LRCH2: variants seen among roughly 807,000 people sequenced by gnomAD.
LRCH2 encodes leucine-rich repeat and calponin homology domain-containing protein 2.
A neutral mutation model predicts 68.9 loss-of-function variants in LRCH2; 38 were observed. That is an observed-to-expected ratio of 0.55 (90% CI 0.43 to 0.72). The LOEUF (loss-of-function observed/expected upper bound fraction) is 0.72. Among genes scored for constraint, LRCH2 ranks in the 30% least tolerant of loss-of-function variants. The pLI is 0.00. For synonymous variants in LRCH2, 191 were observed against 208.1 expected (o/e 0.92, Z 0.71); for missense variants, 528 against 572.9 (o/e 0.92, Z 0.80).
intron 20 of LRCH2, among the ~76,000 whole-genome samples, chrX:115,117,673 G>A (rs1177935624): frequency 9.0e-6 from 1 of 111,383 alleles, no homozygotes; most frequent in Non-Finnish European, 1.9e-5. Flanking sequence ...TAATTATGCT[G>A]AGTGAAAGAA....
chrX:115,199,503 G>T (rs782245868), intron 1 of LRCH2, among the ~76,000 whole-genome samples: 115 of 112,159 alleles, frequency 1.0e-3, no homozygotes, highest in Middle Eastern at 4.6e-3. Flanking sequence ...AGCACTAGCT[G>T]TACTTGCATC....
At chrX:115,160,953 T>A (rs782112166) in intron 11 of LRCH2, among the ~76,000 whole-genome samples, 1 of 112,205 alleles carries the variant, frequency 8.9e-6, no homozygotes, top group East Asian at 2.8e-4. Context: ...ATAGAAAAAA[T>A]ATTAGATTTA....
At chrX:115,130,763 C>T (rs1049710515) in intron 14 of LRCH2, among the ~76,000 whole-genome samples, 1 of 111,944 alleles carries the variant, frequency 8.9e-6, no homozygotes, top group African/African-American at 3.2e-5. Flanking sequence ...CTAGTGCTTG[C>T]TATATGCCAG....
chrX:115,150,123 A>C (rs2147372599), intron 12 of LRCH2, 53 bp from the exon 13 acceptor site: 3 of 868,708 alleles, frequency 3.5e-6, no homozygotes, highest in African/African-American at 2.0e-5. Flanking sequence ...TAAATCCTTA[A>C]ATATATATTA....
chrX:115,174,711 G>A (rs2072633828), intron 5 of LRCH2, among the ~76,000 whole-genome samples: 1 of 110,361 alleles, frequency 9.1e-6, no homozygotes, highest in African/African-American at 3.3e-5. Flanking sequence ...ACATGGGAGT[G>A]CAGATTATTT....
chrX:115,137,178 G>A (rs782725578), intron 14 of LRCH2, among the ~76,000 whole-genome samples: 1 of 111,440 alleles, frequency 9.0e-6, no homozygotes, highest in Non-Finnish European at 1.9e-5. Context: ...GGCTGAGAAA[G>A]GAGGACCATT....
At chrX:115,149,667 A>C (rs2072416549) in intron 14 of LRCH2, among the ~76,000 whole-genome samples, 160 bp downstream of exon 14, 2 of 111,701 alleles carry the variant, frequency 1.8e-5, no homozygotes, top group African/African-American at 6.5e-5. Flanking sequence ...AACCTTATGG[A>C]TATAATTAGA....
chrX:115,215,786 A>C (rs950554098), intron 1 of LRCH2, among the ~76,000 whole-genome samples: 42 of 108,155 alleles, frequency 3.9e-4, no homozygotes, highest in African/African-American at 1.3e-3. Flanking sequence ...AAAAAAAAAA[A>C]AAAAACATAA....
chrX:115,200,768 G>A (rs1325593213), intron 1 of LRCH2, among the ~76,000 whole-genome samples: 3 of 110,726 alleles, frequency 2.7e-5, no homozygotes, highest in African/African-American at 9.8e-5. Flanking sequence ...CCAAAAAATT[G>A]AAGAGGAGAG....
chrX:115,190,123 G>A (rs868993701), intron 1 of LRCH2: 60 of 1,158,262 alleles, frequency 5.2e-5, no homozygotes, highest in East Asian at 2.0e-4. Context: ...GGCCCCGGCC[G>A]TGTGGGGGCA....
chrX:115,195,238 C>T (rs782056153), intron 1 of LRCH2, among the ~76,000 whole-genome samples: 278 of 107,896 alleles, frequency 2.6e-3, no homozygotes, highest in African/African-American at 8.6e-3. Context: ...GAGCCGAGAT[C>T]GTGCCACTGC....
intron 10 of LRCH2, among the ~76,000 whole-genome samples, chrX:115,165,164 T>C (rs1000397031): frequency 6.3e-5 from 7 of 110,510 alleles, no homozygotes; most frequent in Non-Finnish European, 5.7e-5. Context: ...ATAATAATAA[T>C]AGAAGTCATC....
chrX:115,149,694 ATG>A (rs2072416740), intron 14 of LRCH2, 131 bp downstream of exon 14: 1 of 415,587 alleles, frequency 2.4e-6, no homozygotes, highest in Admixed American at 4.8e-5. Context: ...TACCCCATAT[ATG>A]TGAGAAATCA....
At chrX:115,181,434 A>C in intron 3 of LRCH2, among the ~76,000 whole-genome samples, 1 of 112,639 alleles carries the variant, frequency 8.9e-6, no homozygotes, top group African/African-American at 3.2e-5. Context: ...TTTGATACTT[A>C]TGATTTCCAT....
intron 1 of LRCH2, among the ~76,000 whole-genome samples, chrX:115,197,084 A>C (rs1194373255): frequency 1.8e-5 from 2 of 111,471 alleles, no homozygotes; most frequent in Non-Finnish European, 3.8e-5. Flanking sequence ...ATGCACCTGG[A>C]AGCAAAGCCA....
chrX:115,226,890 T>C (rs1556576415), intron 1 of LRCH2, among the ~76,000 whole-genome samples: 1 of 111,537 alleles, frequency 9.0e-6, no homozygotes, highest in African/African-American at 3.3e-5. Flanking sequence ...AACTTCTTTA[T>C]AAAGCCCCCC....
intron 11 of LRCH2, among the ~76,000 whole-genome samples, chrX:115,160,621 C>G (rs2072512210): frequency 8.9e-6 from 1 of 111,750 alleles, no homozygotes; most frequent in Non-Finnish European, 1.9e-5. Context: ...TAAAAACAAA[C>G]AAAATTTACA....
chrX:115,143,946 A>G (rs2072360598), intron 14 of LRCH2, among the ~76,000 whole-genome samples: 1 of 111,558 alleles, frequency 9.0e-6, no homozygotes, highest in African/African-American at 3.3e-5. Flanking sequence ...CATGATAAAA[A>G]CCCTCTGATA....
intron 11 of LRCH2, among the ~76,000 whole-genome samples, chrX:115,162,247 T>C (rs2072525752): frequency 1.8e-5 from 2 of 111,142 alleles, no homozygotes; most frequent in Non-Finnish European, 1.9e-5. Context: ...AAAAACAATA[T>C]TATCGTCCCA....
Sources: gnomAD v4.1 joint callset for allele counts (sites outside exome capture counted in the v4.1 genomes callset) on GRCh38, gnomAD v4.1.1 for gene constraint, MANE v1.5 for transcripts, NCBI Gene and HGNC (gene_info 2026-07-23, HGNC 2026-07-21) for gene names.